SUZ12: variants seen among roughly 807,000 people sequenced by gnomAD.
SUZ12 encodes the protein polycomb protein SUZ12.
Under a neutral mutation model 87.3 loss-of-function variants are expected in SUZ12, and 17 were observed. The ratio of observed to expected loss-of-function variants is 0.19; its 90% CI spans 0.13 to 0.29. The LOEUF (loss-of-function observed/expected upper bound fraction) is 0.29, where lower values mean the gene tolerates loss of function less well. Ranked by LOEUF, SUZ12 falls within the 10% of genes least tolerant of loss-of-function variation. The pLI is 1.00. For missense variants in SUZ12, 526 were observed against 912.2 expected (o/e 0.58, Z 5.45); for synonymous variants, 253 against 312.4 (o/e 0.81, Z 2.01).
chr17:31,985,749 G>A (rs1336699794), intron 9 of SUZ12, among the ~76,000 whole-genome samples: 5 of 151,242 alleles, frequency 3.3e-5, no homozygotes, highest in African/African-American at 7.3e-5. Flanking sequence ...TGCAACCTCC[G>A]CCTCCCGGGT....
intron 4 of SUZ12, among the ~76,000 whole-genome samples, chr17:31,958,144 C>T (rs1378699111): frequency 2.0e-5 from 3 of 151,426 alleles, no homozygotes; most frequent in African/African-American, 2.4e-5. Flanking sequence ...CCTCATGATC[C>T]GCCCACCTCA....
At chr17:31,943,365 T>C (rs1388308126) in intron 3 of SUZ12, among the ~76,000 whole-genome samples, 1 of 152,208 alleles carries the variant, frequency 6.6e-6, no homozygotes, top group Non-Finnish European at 1.5e-5. Context: ...AATTTACAGT[T>C]TTTTAAAATT....
chr17:31,954,976 T>C (rs563952812), intron 4 of SUZ12, among the ~76,000 whole-genome samples: 1 of 152,334 alleles, frequency 6.6e-6, no homozygotes, highest in South Asian at 2.1e-4. Flanking sequence ...AGTCGTTTGT[T>C]CGTTCTTTTT....
chr17:31,937,193 G>C lies in SUZ12; in HGVS notation c.-54G>C. ...CGAGCGGTTGGTATTGCAGGCGCTTGCTCTCCGGGGCCGCCCGGCGGGTAG... is the reference window on the plus strand; with the variant it reads ...CGAGCGGTTGGTATTGCAGGCGCTTCCTCTCCGGGGCCGCCCGGCGGGTAG... On this transcript the variant is annotated 5_prime_UTR_variant, in exon 1 of 16. Transcript: ENST00000322652. The C allele has an allele frequency of 7.2e-7, 1 of 1,382,300 alleles. No individual in the cohort carries two copies. Among genetic ancestry groups the C allele is most frequent in the Non-Finnish European group, 9.3e-7 (1 of 1,076,544 alleles). 85.6% of individuals were successfully genotyped at this position (1,382,300 alleles called of 1,614,324 possible). A position where few individuals can be genotyped will look rare whatever the true frequency, so the allele number is the denominator to read the frequency against.
intron 9 of SUZ12, among the ~76,000 whole-genome samples, chr17:31,987,798 C>T (rs1024537744): frequency 1.3e-5 from 2 of 151,968 alleles, no homozygotes; most frequent in African/African-American, 2.4e-5. Flanking sequence ...ATTAGCTGGG[C>T]GTGACGGCAG....
Position 31,999,611 on chromosome 17 carries a change from C to T in SUZ12, c.*608C>T, listed in dbSNP as rs2142223775. The stretch of plus-strand genomic sequence containing the variant: ...TTCCTTTTACAATTAAAAAATAGCA[C>T]TTCTTCATCTTATGCCTGTTTGAGA... On this transcript the variant is annotated 3_prime_UTR_variant, in exon 16 of 16. Coordinates refer to ENST00000322652, the MANE Select transcript of SUZ12 (RefSeq NM_015355.4). The T allele has an allele frequency of 8.6e-6, 2 of 231,742 alleles. No individual in the cohort carries two copies. Among genetic ancestry groups the T allele is most frequent in the South Asian group, 3.6e-4 (2 of 5,512 alleles). The allele number at this position is 231,742 out of a possible 1,614,324, so 14.4% of individuals were successfully genotyped here.
chr17:31,949,651 C>A (rs1906828343), intron 4 of SUZ12, among the ~76,000 whole-genome samples: 1 of 93,228 alleles, frequency 1.1e-5, no homozygotes, highest in Non-Finnish European at 2.3e-5. Flanking sequence ...GCACCTGCCA[C>A]CACACCCAGC....
chr17:32,000,052 G>A lies in SUZ12; in HGVS notation c.*1049G>A, dbSNP rs1269131278. The A allele has an allele frequency of 1.7e-5, 4 of 232,708 alleles. No homozygotes were observed. The highest frequency in any genetic ancestry group is 3.4e-5 in the Non-Finnish European group (4 of 117,838). The allele number at this position is 232,708 out of a possible 1,614,324, so 14.4% of individuals were successfully genotyped here. A position where few individuals can be genotyped will look rare whatever the true frequency, so the allele number is the denominator to read the frequency against. On this transcript the variant is annotated 3_prime_UTR_variant, in exon 16 of 16. Coordinates refer to ENST00000322652, the MANE Select transcript of SUZ12 (RefSeq NM_015355.4). ...TTGCCCTGTGTTATATGTGTTTCAC[G>A]CACATATTTGCAGTTGGATTTTCTC... is the stretch of plus-strand genomic sequence containing the variant.
At chr17:31,979,125 AGAAT>A (rs1908942798) in intron 8 of SUZ12, among the ~76,000 whole-genome samples, 1 of 144,438 alleles carries the variant, frequency 6.9e-6, no homozygotes. Context: ...AAAAAAAAAA[AGAAT>A]TCAAAACGAT....
chr17:31,955,001 C>T (rs1176901877), intron 4 of SUZ12, among the ~76,000 whole-genome samples: 6 of 152,194 alleles, frequency 3.9e-5, no homozygotes, highest in African/African-American at 1.4e-4. Context: ...TTGTTGTTCT[C>T]TAAGAGGTGG....
At chr17:31,970,863 T>G (rs1476845112) in intron 5 of SUZ12, among the ~76,000 whole-genome samples, 1 of 152,168 alleles carries the variant, frequency 6.6e-6, no homozygotes, top group Non-Finnish European at 1.5e-5. Context: ...AAATTTTTTT[T>G]GTGTGTTCAT....
At chr17:31,970,899 G>A (rs1908389998) in intron 5 of SUZ12, among the ~76,000 whole-genome samples, 1 of 152,068 alleles carries the variant, frequency 6.6e-6, no homozygotes, top group Admixed American at 6.6e-5. Flanking sequence ...AATAGTTCTG[G>A]ATGTTATTGA....
chr17:31,956,731 AT>A (rs2142144061), intron 4 of SUZ12, among the ~76,000 whole-genome samples: 1 of 151,222 alleles, frequency 6.6e-6, no homozygotes, highest in African/African-American at 2.4e-5. Context: ...TATTTATTTT[AT>A]TTTCTCTCTA....
intron 14 of SUZ12, 101 bp downstream of exon 14, chr17:31,995,863 A>AAT: frequency 3.1e-6 from 1 of 319,278 alleles, no homozygotes; most frequent in Non-Finnish European, 5.0e-6. Context: ...AACTTTTTTT[A>AAT]AAAAAAAAAA....
At chr17:31,967,013 A>G (rs1908132522) in intron 5 of SUZ12, 1 of 151,848 alleles carries the variant, frequency 6.6e-6, no homozygotes, top group Admixed American at 6.6e-5. Flanking sequence ...CAGCTGGCCA[A>G]TATGATGAAA....
At chr17:31,985,455 G>GT (rs1909354526) in intron 9 of SUZ12, among the ~76,000 whole-genome samples, 1 of 150,868 alleles carries the variant, frequency 6.6e-6, no homozygotes, top group Non-Finnish European at 1.5e-5. Flanking sequence ...TATTTTCCCT[G>GT]TTTCTAAAAT....
At chr17:31,996,612 C>CT (rs1471913327) in intron 14 of SUZ12, among the ~76,000 whole-genome samples, 186 bp from the exon 15 acceptor site, 2 of 151,542 alleles carry the variant, frequency 1.3e-5, no homozygotes, top group Non-Finnish European at 2.9e-5. Context: ...GAGCAAGACT[C>CT]TGTCTCTAAC....
chr17:31,982,753 T>C (rs1422510137), intron 8 of SUZ12, among the ~76,000 whole-genome samples: 1 of 152,216 alleles, frequency 6.6e-6, no homozygotes, highest in Non-Finnish European at 1.5e-5. Flanking sequence ...CATATTATAC[T>C]TTACATGTTT....
At chr17:31,987,461 C>T (rs561611785) in intron 9 of SUZ12, among the ~76,000 whole-genome samples, 1 of 152,164 alleles carries the variant, frequency 6.6e-6, no homozygotes, top group Non-Finnish European at 1.5e-5. Context: ...TTTTCAATAG[C>T]TCAGTGTTGT....
Sources: gnomAD v4.1 joint callset for allele counts (sites outside exome capture counted in the v4.1 genomes callset) on GRCh38, gnomAD v4.1.1 for gene constraint, MANE v1.5 for transcripts, NCBI Gene and HGNC (gene_info 2026-07-23, HGNC 2026-07-21) for gene names.